The following TOM1 variants were observed in gnomAD, a reference collection of about 807,000 sequenced individuals.
TOM1 encodes the protein target of Myb protein 1.
TOM1 carries 38 observed loss-of-function variants against 61.3 expected under a neutral mutation model. The ratio of observed to expected loss-of-function variants is 0.62; its 90% CI spans 0.48 to 0.81. The LOEUF (loss-of-function observed/expected upper bound fraction) is 0.81, where lower values mean the gene tolerates loss of function less well. Among genes scored for constraint, TOM1 ranks in the 40% least tolerant of loss-of-function variants. TOM1 has a pLI of 0.00. For synonymous variants in TOM1, 270 were observed against 268.8 expected, an observed-to-expected ratio of 1.00 and a Z score of -0.04; for missense variants, 591 against 659.6, an observed-to-expected ratio of 0.90 and a Z score of 1.14.
In TOM1 at chr22:35,323,725, A is replaced by G. The variant is rs920008410; in HGVS notation, c.502-43A>G. ...TGGCCCCTGACTTCCTGGGCTCTTG[A>G]TGTTCCCAGGAGCCCTCACTGATCC... is the stretch of plus-strand genomic sequence containing the variant. On this transcript the variant is annotated intron_variant, in intron 5 of 14. Coordinates refer to ENST00000449058, the MANE Select transcript of TOM1 (RefSeq NM_005488.3). The surrounding 1 kb of genome is among the most constrained non-coding windows in gnomAD (Gnocchi z 4.2). 17 of 1,603,896 alleles carry G rather than the reference A, an allele frequency of 1.1e-5. No individual in the cohort carries two copies. Among genetic ancestry groups the G allele is most frequent in the Non-Finnish European group, 1.4e-5 (16 of 1,173,300 alleles).
intron 1 of TOM1, among the ~76,000 whole-genome samples, chr22:35,309,864 A>T (rs1569019517): frequency 6.6e-6 from 1 of 152,176 alleles, no homozygotes. Flanking sequence ...CCAAGAAAGC[A>T]AAACCTTCCC....
At chr22:35,299,653 T>C (rs1475634593), upstream of TOM1, 2 of 501,008 alleles carry the variant, frequency 4.0e-6, 1 homozygote. Flanking sequence ...GTCAGGGGCG[T>C]GGCTTAAAGA....
At chr22:35,338,264 G>A (rs146664922) in intron 11 of TOM1, among the ~76,000 whole-genome samples, 20 of 152,300 alleles carry the variant, frequency 1.3e-4, no homozygotes, top group African/African-American at 4.6e-4. Context: ...AGACAAGATG[G>A]CACCTCACCC....
At chr22:35,319,262 G>A (rs566358550) in intron 2 of TOM1, among the ~76,000 whole-genome samples, 1 of 152,286 alleles carries the variant, frequency 6.6e-6, no homozygotes, top group Admixed American at 6.5e-5. Context: ...AACATGGGAG[G>A]AACAGGCTCG....
At chr22:35,316,855 G>T (rs1927338282) in intron 1 of TOM1, among the ~76,000 whole-genome samples, 1 of 152,062 alleles carries the variant, frequency 6.6e-6, no homozygotes, top group African/African-American at 2.4e-5. Flanking sequence ...CTGATACCTT[G>T]CCGTGCTGAT....
chr22:35,330,944 G>A (rs1299709242), intron 8 of TOM1, among the ~76,000 whole-genome samples: 1 of 152,210 alleles, frequency 6.6e-6, no homozygotes, highest in Non-Finnish European at 1.5e-5. Context: ...CCAGAGAAAA[G>A]TGAAACTGAT....
At position 35,321,083 on chromosome 22, in the gene TOM1, C is replaced by G. The variant is rs143281269; in HGVS notation, c.138-876C>G. Among the ~76,000 whole-genome samples, 493 of 151,680 alleles carry G rather than the reference C, an allele frequency of 3.3e-3. 4 individuals are homozygous for G. Among genetic ancestry groups the G allele is most frequent in the African/African-American group, 0.011 (476 of 41,408 alleles). On this transcript the variant is annotated intron_variant, in intron 2 of 14. Coordinates refer to ENST00000449058, the MANE Select transcript of TOM1 (RefSeq NM_005488.3). ...ACACTATGCTAGCTGGGCTCAGGGA[C>G]TCATGCCTGTAATCACAACATATTG...
At chr22:35,342,839 ACAC>A (rs1375338048) in intron 12 of TOM1, among the ~76,000 whole-genome samples, 13 of 143,052 alleles carry the variant, frequency 9.1e-5, no homozygotes, top group Admixed American at 3.5e-4. Context: ...CCCTACACAC[ACAC>A]CACACCTACA....
chr22:35,330,409 C>T lies in TOM1; in HGVS notation c.828C>T (p.Ala276=). ...QRVLELIPQI[A]NEQLTEELLI... ...TCCTGGAGCTCATCCCTCAGATCGC[C>T]AATGAGCAGCTGACAGAGGAGCTGC... The change falls in exon 8 of 15, where the codon GCC becomes GCT. Residue 276 remains alanine, a synonymous_variant. Coordinates refer to ENST00000449058, the MANE Select transcript of TOM1 (RefSeq NM_005488.3). The T allele has an allele frequency of 6.2e-7, 1 of 1,613,582 alleles. No homozygotes were observed. Among genetic ancestry groups the T allele is most frequent in the Non-Finnish European group, 8.5e-7 (1 of 1,179,868 alleles).
Position 35,323,488 on chromosome 22 carries a change from CCT to C in TOM1, c.367-4_367-3del. ...GGTTACCGGCTGTGTCCCCTTGTCC[CCT>C]CTCAGTCCTGGGCTGACGCGTTCCG... On this transcript the variant is annotated splice_polypyrimidine_tract_variant and splice_region_variant and intron_variant, in intron 4 of 14. Transcript: ENST00000449058. The surrounding 1 kb of genome is among the most constrained non-coding windows in gnomAD (Gnocchi z 4.2). The C allele has an allele frequency of 1.2e-6, 2 of 1,613,902 alleles. No homozygotes were observed. Among genetic ancestry groups the C allele is most frequent in the Non-Finnish European group, 1.7e-6 (2 of 1,179,906 alleles).
chr22:35,302,773 C>T (rs1051223514), intron 1 of TOM1, among the ~76,000 whole-genome samples: 1 of 152,132 alleles, frequency 6.6e-6, no homozygotes, highest in Admixed American at 6.6e-5. Context: ...AAATTGACAG[C>T]AAAACTGAGT....
rs570408044 is a variant in TOM1 at position 35,343,189 on chromosome 22, C to T, written c.1225-2536C>T. Among the ~76,000 whole-genome samples, 71 of 128,314 alleles carry T rather than the reference C, an allele frequency of 5.5e-4. No individual in the cohort carries two copies. The South Asian group carries it at 6.7e-3, about 12-fold the overall frequency. 84.2% of individuals were successfully genotyped at this position (128,314 alleles called of 152,430 possible). A position where few individuals can be genotyped will look rare whatever the true frequency, so the allele number is the denominator to read the frequency against. ...CACCACACCTACACACACCACACCT[C>T]CACTCATACGCCTACACACACACCC... On this transcript the variant is annotated intron_variant, in intron 12 of 14. Coordinates refer to ENST00000449058, the MANE Select transcript of TOM1 (RefSeq NM_005488.3).
At position 35,323,443 on chromosome 22, in the gene TOM1, C is replaced by G. The variant is rs541216710; in HGVS notation, c.367-53C>G. On this transcript the variant is annotated intron_variant, in intron 4 of 14. Coordinates refer to ENST00000449058, the MANE Select transcript of TOM1 (RefSeq NM_005488.3). This position sits in a 1 kb window ranked among gnomAD's most constrained non-coding sequence, Gnocchi z 4.2. The stretch of plus-strand genomic sequence containing the variant: ...GTTCTCTGTCTGAGTGCCAGGTGGG[C>G]AGGCTCACAGGTGAGCTGTGGTTAC... The G allele has an allele frequency of 1.3e-6, 2 of 1,593,334 alleles. No individual in the cohort carries two copies. The highest frequency in any genetic ancestry group is 1.7e-5 in the Admixed American group (1 of 57,498).
chr22:35,300,034 G>C, intron 1 of TOM1, 54 bp downstream of exon 1: 4 of 1,546,206 alleles, frequency 2.6e-6, no homozygotes, highest in South Asian at 1.2e-5. Flanking sequence ...ACCCAGCTTC[G>C]GTCCCCTGGG....
chr22:35,343,174 A>C (rs377588320), intron 12 of TOM1, among the ~76,000 whole-genome samples: 1,575 of 103,900 alleles, frequency 0.015, 14 homozygotes, highest in Non-Finnish European at 0.021. Flanking sequence ...CACCACACCT[A>C]CACACACCAC....
intron 11 of TOM1, among the ~76,000 whole-genome samples, chr22:35,334,649 C>A (rs1472956987): frequency 1.3e-5 from 2 of 152,162 alleles, no homozygotes; most frequent in East Asian, 3.9e-4. Flanking sequence ...ACAGGCCATG[C>A]TGGGTGGGGG....
At chr22:35,317,481 C>G (rs925874856) in intron 1 of TOM1, among the ~76,000 whole-genome samples, 1 of 152,172 alleles carries the variant, frequency 6.6e-6, no homozygotes, top group Non-Finnish European at 1.5e-5. Flanking sequence ...AGCCACCGCG[C>G]CCAGCTCAAA....
intron 2 of TOM1, among the ~76,000 whole-genome samples, chr22:35,319,043 C>A (rs1046636006): frequency 2.4e-4 from 36 of 152,176 alleles, no homozygotes; most frequent in Non-Finnish European, 4.4e-5. Context: ...AGGAACCTGC[C>A]GGTGTCTTCC....
At chr22:35,318,681 C>T (rs974912115) in intron 2 of TOM1, among the ~76,000 whole-genome samples, 3 of 152,210 alleles carry the variant, frequency 2.0e-5, no homozygotes, top group Non-Finnish European at 4.4e-5. Context: ...GCAATAAGCC[C>T]GAGTCCCTGG....
Sources: gnomAD v4.1 joint callset for allele counts (sites outside exome capture counted in the v4.1 genomes callset) on GRCh38, gnomAD v4.1.1 for gene constraint, Gnocchi (gnomAD v3.1) non-coding constraint, MANE v1.5 for transcripts, NCBI Gene and HGNC (gene_info 2026-07-23, HGNC 2026-07-21) for gene names.